PUM1: variants seen among roughly 807,000 people sequenced by gnomAD.
PUM1 encodes pumilio homolog 1.
Under a neutral mutation model 131.8 loss-of-function variants are expected in PUM1, and 13 were observed. That is an observed-to-expected ratio of 0.10 (90% CI 0.06 to 0.16). The LOEUF (loss-of-function observed/expected upper bound fraction) is 0.16. Ranked by LOEUF, PUM1 falls within the 10% of genes least tolerant of loss-of-function variation. The pLI is 1.00. For synonymous variants in PUM1, 509 were observed against 556.5 expected (o/e 0.91, Z 1.20); for missense variants, 961 against 1,512.4 (o/e 0.64, Z 6.05).
At chr1:31,039,043 C>A (rs1438385536) in intron 2 of PUM1, among the ~76,000 whole-genome samples, 3 of 135,402 alleles carry the variant, frequency 2.2e-5, no homozygotes, top group Non-Finnish European at 4.6e-5. Flanking sequence ...GTCACCCAGG[C>A]TGGAATGCAG....
At chr1:30,956,549 C>T (rs1221012328) in intron 14 of PUM1, among the ~76,000 whole-genome samples, 2 of 152,208 alleles carry the variant, frequency 1.3e-5, no homozygotes, top group Non-Finnish European at 2.9e-5. Context: ...CAGGCATGAG[C>T]CACGGCGCCC....
At chr1:30,937,512 T>C (rs994195960) in intron 20 of PUM1, among the ~76,000 whole-genome samples, 4 of 152,008 alleles carry the variant, frequency 2.6e-5, no homozygotes, top group African/African-American at 7.2e-5. Context: ...CTCGAACTCC[T>C]GACCTCGTTA....
chr1:31,034,502 T>C (rs1213758736), intron 2 of PUM1, among the ~76,000 whole-genome samples: 1 of 152,018 alleles, frequency 6.6e-6, no homozygotes, highest in Non-Finnish European at 1.5e-5. Flanking sequence ...TACCCAGGTG[T>C]GGTGGCTAAT....
intron 1 of PUM1, among the ~76,000 whole-genome samples, chr1:31,063,197 G>A (rs575552563): frequency 1.8e-4 from 28 of 152,224 alleles, no homozygotes; most frequent in African/African-American, 6.5e-4. Context: ...AGCAGGCCAA[G>A]AGTTCCAAAA....
At chr1:31,046,510 GGT>G (rs1643970614) in intron 2 of PUM1, among the ~76,000 whole-genome samples, 1 of 100,688 alleles carries the variant, frequency 9.9e-6, no homozygotes, top group East Asian at 3.4e-4. Flanking sequence ...TTGTTTTTTT[GGT>G]TTTTTTTTTT....
Position 30,966,063 on chromosome 1 carries a change from C to G in PUM1, c.2005G>C (p.Ala669Pro), listed in dbSNP as rs764453459. ...SLFSQGSAQP[A>P]NTSLGFGSSS... ...CTTCCGAATCCCAAGGATGTGTTGG[C>G]AGGCTGGGCAGAGCCCTGGGAGAAG... Residue 669 changes from alanine (A) to proline (P), a missense_variant, in exon 13 of 22, where the codon GCC (alanine) becomes CCC (proline). By Grantham distance (27) the Ala-to-Pro change is conservative. Around this residue, in one of 4 missense-constraint regions of PUM1, gnomAD observed 654 missense variants for 923.9 expected, o/e 0.71. Coordinates refer to ENST00000426105, the MANE Select transcript of PUM1 (RefSeq NM_001020658.2). 8.7e-6 allele frequency: 14 copies of G among 1,614,070 alleles called. No homozygotes were observed. Among genetic ancestry groups the G allele is most frequent in the Non-Finnish European group, 8.5e-7 (1 of 1,180,026 alleles).
chr1:30,958,161 C>T (rs1640248750), intron 14 of PUM1, among the ~76,000 whole-genome samples: 1 of 152,136 alleles, frequency 6.6e-6, no homozygotes, highest in African/African-American at 2.4e-5. Flanking sequence ...TCTGTTTGAG[C>T]TGTGCTTTTC....
In PUM1 at chr1:30,966,141, T is replaced by C. The variant is rs764726099; in HGVS notation, c.1927A>G (p.Ser643Gly). ...QQQPNNNLAS[S>G]SFYGNNSLNS... is the part of the protein sequence containing the mutation. Reference sequence around the variant, plus strand: ...AGAGAGTTGTTGCCGTAGAAAGAACTGGATGCCAGGTTGTTATTGGGCTGC... The same window carrying C: ...AGAGAGTTGTTGCCGTAGAAAGAACCGGATGCCAGGTTGTTATTGGGCTGC... The change falls in exon 13 of 22, where the codon AGT becomes GGT. Residue 643 changes from serine to glycine, a missense_variant. Physicochemically the swap from Ser to Gly is moderately conservative, Grantham distance 56. Transcript: ENST00000426105. The C allele has an allele frequency of 6.2e-6, 10 of 1,614,104 alleles. No individual in the cohort carries two copies. The highest frequency in any genetic ancestry group is 1.7e-6 in the Non-Finnish European group (2 of 1,180,004).
intron 14 of PUM1, among the ~76,000 whole-genome samples, chr1:30,960,671 G>C (rs1640367696): frequency 6.6e-6 from 1 of 152,062 alleles, no homozygotes; most frequent in African/African-American, 2.4e-5. Flanking sequence ...TATCCAGTTA[G>C]GAATAAATTT....
At chr1:31,023,439 T>C (rs529826082) in intron 3 of PUM1, among the ~76,000 whole-genome samples, 1 of 152,226 alleles carries the variant, frequency 6.6e-6, no homozygotes, top group East Asian at 1.9e-4. Context: ...AGAAGTACTT[T>C]TAGCTATTCA....
chr1:30,950,083 G>C, intron 17 of PUM1, 44 bp downstream of exon 17: 1 of 1,591,884 alleles, frequency 6.3e-7, no homozygotes, highest in African/African-American at 1.3e-5. Context: ...ATGTACCATG[G>C]AGAAACATCA....
chr1:30,967,626 A>G (rs1640677009), intron 11 of PUM1, among the ~76,000 whole-genome samples: 1 of 152,248 alleles, frequency 6.6e-6, no homozygotes, highest in African/African-American at 2.4e-5. Flanking sequence ...AAGCCATATG[A>G]AAAACTGCAG....
At chr1:30,972,264 AAAAGAAG>A (rs1292627339) in intron 10 of PUM1, among the ~76,000 whole-genome samples, 16,590 of 33,584 alleles carry the variant, frequency 0.49, 4,673 homozygotes, top group South Asian at 0.61. Context: ...GAAAGAAAAG[AAAAGAAG>A]GGAAGGGAAG....
chr1:31,037,668 C>T (rs917958151), intron 2 of PUM1, among the ~76,000 whole-genome samples: 47 of 152,068 alleles, frequency 3.1e-4, no homozygotes, highest in African/African-American at 1.1e-3. Context: ...GATTGCACCA[C>T]TGCACTCCAG....
intron 21 of PUM1, 129 bp from the exon 22 acceptor site, chr1:30,933,471 CACACACACACACA>C: frequency 2.3e-6 from 2 of 855,982 alleles, no homozygotes; most frequent in Non-Finnish European, 3.7e-6. Context: ...CACACACACA[CACACACACACACA>C]CCCCTACAGC....
chr1:31,038,091 A>C (rs1025078499), intron 2 of PUM1, among the ~76,000 whole-genome samples: 2 of 152,080 alleles, frequency 1.3e-5, no homozygotes, highest in Admixed American at 1.3e-4. Flanking sequence ...AAAAAAAAAA[A>C]AACCCTGGCA....
intron 3 of PUM1, 48 bp downstream of exon 3, chr1:31,028,748 C>T (rs749354415): frequency 7.0e-7 from 1 of 1,436,826 alleles, no homozygotes; most frequent in Admixed American, 1.7e-5. Flanking sequence ...ACAACTCCAA[C>T]CTTCCCTTAA....
At chr1:31,013,020 C>CA (rs995793221) in intron 3 of PUM1, among the ~76,000 whole-genome samples, 4 of 152,060 alleles carry the variant, frequency 2.6e-5, no homozygotes, top group African/African-American at 9.7e-5. Context: ...AAACAGTAAA[C>CA]AAAAAATCAG....
intron 15 of PUM1, among the ~76,000 whole-genome samples, chr1:30,953,208 A>G (rs1640021460): frequency 6.6e-6 from 1 of 152,188 alleles, no homozygotes; most frequent in East Asian, 1.9e-4. Flanking sequence ...CACTGGACAC[A>G]GTATCAGAGA....
Sources: gnomAD v4.1 joint callset for allele counts (sites outside exome capture counted in the v4.1 genomes callset) on GRCh38, gnomAD v4.1.1 for gene constraint, gnomAD v4.1.1 regional missense constraint, MANE v1.5 for transcripts, NCBI Gene and HGNC (gene_info 2026-07-23, HGNC 2026-07-21) for gene names.